Variants in PKD1L1 observed in about 807,000 individuals in gnomAD.
PKD1L1 encodes the protein polycystin 1 like 1, transient receptor potential channel interacting, also known as polycystin-1-like protein 1.
PKD1L1 carries 236 observed loss-of-function variants against 323.4 expected under a neutral mutation model. The ratio of observed to expected loss-of-function variants is 0.73; its 90% CI spans 0.66 to 0.81. The LOEUF is 0.81. Ranked by LOEUF, PKD1L1 falls within the 40% of genes least tolerant of loss-of-function variation. The pLI is 0.00. For missense variants in PKD1L1, 3,320 were observed against 3,508.0 expected (o/e 0.95, Z 1.35); for synonymous variants, 1,344 against 1,335.0 (o/e 1.01, Z -0.15).
chr7:47,803,125 T>C (rs745807813), intron 53 of PKD1L1, 85 bp downstream of exon 53: 83 of 1,547,180 alleles, frequency 5.4e-5, no homozygotes, highest in Admixed American at 5.2e-5. Flanking sequence ...TTGAGAGCAG[T>C]TTGTTTTTCC....
chr7:47,854,055 G>T (rs2128741370), intron 30 of PKD1L1, among the ~76,000 whole-genome samples: 1 of 152,270 alleles, frequency 6.6e-6, no homozygotes, highest in South Asian at 2.1e-4. Context: ...GTGACTTAAA[G>T]AATTAAATTA....
At chr7:47,868,184 A>G (rs766573441) in intron 24 of PKD1L1, among the ~76,000 whole-genome samples, 1 of 152,076 alleles carries the variant, frequency 6.6e-6, no homozygotes, top group East Asian at 1.9e-4. Context: ...CCTGGCCAAC[A>G]TGGTGAAACC....
chr7:47,910,928 T>A (rs1787309336), intron 8 of PKD1L1, among the ~76,000 whole-genome samples: 1 of 149,488 alleles, frequency 6.7e-6, no homozygotes, highest in African/African-American at 2.5e-5. Flanking sequence ...CCTCAGGTGA[T>A]CCACCTCAGC....
intron 5 of PKD1L1, 105 bp from the exon 6 acceptor site, chr7:47,931,426 G>A: frequency 8.4e-7 from 1 of 1,191,642 alleles, no homozygotes; most frequent in Non-Finnish European, 1.2e-6. Context: ...CAGCCCCACT[G>A]CTACTGAGGT....
At chr7:47,882,308 TC>T (rs1786577543) in intron 19 of PKD1L1, among the ~76,000 whole-genome samples, 1 of 125,068 alleles carries the variant, frequency 8.0e-6, no homozygotes, top group African/African-American at 2.7e-5. Flanking sequence ...CTCCCTCCCT[TC>T]CTATCTTCCT....
At chr7:47,850,581 G>A (rs1252980405) in intron 31 of PKD1L1, among the ~76,000 whole-genome samples, 1 of 131,172 alleles carries the variant, frequency 7.6e-6, no homozygotes, top group Non-Finnish European at 1.5e-5. Context: ...GCAGTGAGCC[G>A]AGATCACACC....
chr7:47,848,589 T>C (rs181155772), intron 31 of PKD1L1, among the ~76,000 whole-genome samples: 170 of 152,292 alleles, frequency 1.1e-3, no homozygotes, highest in African/African-American at 3.8e-3. Context: ...GTGGACCACC[T>C]GAGGTCGGGA....
intron 25 of PKD1L1, 86 bp downstream of exon 25, chr7:47,866,333 C>T (rs1562964837): frequency 1.4e-6 from 2 of 1,414,068 alleles, no homozygotes; most frequent in East Asian, 4.7e-5. Context: ...ATAAGCATGA[C>T]CACTTGCTAG....
At chr7:47,844,737 A>G (rs1785629680) in intron 33 of PKD1L1, among the ~76,000 whole-genome samples, 1 of 152,228 alleles carries the variant, frequency 6.6e-6, no homozygotes. Context: ...TAAACTTAAA[A>G]GTATGAAAAG....
intron 26 of PKD1L1, among the ~76,000 whole-genome samples, chr7:47,864,216 G>C (rs1180137001): frequency 1.3e-5 from 2 of 152,160 alleles, no homozygotes; most frequent in African/African-American, 4.8e-5. Context: ...GAGGAGCCTG[G>C]AGGAGAGCTC....
intron 24 of PKD1L1, 41 bp from the exon 25 acceptor site, chr7:47,866,655 C>G: frequency 6.6e-7 from 1 of 1,516,904 alleles, no homozygotes; most frequent in Non-Finnish European, 8.9e-7. Flanking sequence ...TTCCAACACA[C>G]GGCAAAACTT....
intron 46 of PKD1L1, among the ~76,000 whole-genome samples, chr7:47,817,827 G>A (rs369553381): frequency 3.3e-5 from 5 of 152,142 alleles, no homozygotes; most frequent in South Asian, 2.1e-4. Context: ...CCGAGATCGC[G>A]TCACTGCACT....
intron 16 of PKD1L1, 76 bp from the exon 17 acceptor site, chr7:47,888,226 C>A: frequency 1.4e-6 from 2 of 1,451,858 alleles, no homozygotes; most frequent in Non-Finnish European, 9.5e-7. Flanking sequence ...TCATGTTAGG[C>A]ATGTTTAAAT....
chr7:47,931,235 C>A lies in PKD1L1; in HGVS notation c.606G>T (p.Glu202Asp). 6.2e-7 allele frequency: 1 copy of A among 1,614,260 alleles called. No individual in the cohort carries two copies. Among genetic ancestry groups the A allele is most frequent in the Non-Finnish European group, 8.5e-7 (1 of 1,180,042 alleles). Residue 202 changes from glutamate (E) to aspartate (D), a missense_variant, in exon 6 of 57, where the codon GAG becomes GAT. Coordinates refer to ENST00000289672, the MANE Select transcript of PKD1L1 (RefSeq NM_138295.5). The part of the protein sequence containing the change: ...CCVLRLLCCA[E>D]DVATGLLPGT... ...CAGGAAGCAGCCCCGTGGCCACATC[C>A]TCCGCACAGCACAGCAGTCTCAGGA...
chr7:47,803,093 G>A (rs1784699784), intron 53 of PKD1L1, 117 bp downstream of exon 53: 9 of 1,287,552 alleles, frequency 7.0e-6, no homozygotes, highest in South Asian at 2.8e-5. Flanking sequence ...TAGAAGACTG[G>A]AATTCTAGAC....
chr7:47,892,266 T>A (rs551125436), intron 15 of PKD1L1, among the ~76,000 whole-genome samples: 68 of 152,124 alleles, frequency 4.5e-4, no homozygotes, highest in Non-Finnish European at 7.5e-4. Context: ...ATGGCAGATG[T>A]TTGGTGAACT....
At chr7:47,829,207 T>C (rs1372123178) in intron 44 of PKD1L1, among the ~76,000 whole-genome samples, 1 of 152,158 alleles carries the variant, frequency 6.6e-6, no homozygotes, top group East Asian at 1.9e-4. Flanking sequence ...ATTTTCTTGA[T>C]GCTCTAACTT....
intron 56 of PKD1L1, among the ~76,000 whole-genome samples, chr7:47,785,160 G>C (rs1309781769): frequency 6.6e-6 from 1 of 152,050 alleles, no homozygotes; most frequent in Non-Finnish European, 1.5e-5. Flanking sequence ...CATTCTTCCT[G>C]AGCATACCTC....
At chr7:47,848,661 C>T (rs942981356) in intron 31 of PKD1L1, among the ~76,000 whole-genome samples, 8 of 152,036 alleles carry the variant, frequency 5.3e-5, no homozygotes, top group Non-Finnish European at 8.8e-5. Context: ...CAAAATTAGC[C>T]GGGTGTGGTG....
Sources: allele counts gnomAD v4.1 joint callset (sites outside exome capture counted in the v4.1 genomes callset), GRCh38; gene constraint gnomAD v4.1.1; transcripts MANE v1.5; gene names NCBI Gene and HGNC (gene_info 2026-07-23, HGNC 2026-07-21).